The following CUL1 variants were observed in gnomAD, a reference collection of about 807,000 sequenced individuals.
CUL1 encodes the protein cullin 1, also known as cullin-1.
CUL1 carries 24 observed loss-of-function variants against 118.0 expected under a neutral mutation model. The observed-to-expected ratio is 0.20, with a 90% CI of 0.15 to 0.29. The LOEUF is 0.29. Among genes scored for constraint, CUL1 ranks in the 10% least tolerant of loss-of-function variants. CUL1 has a pLI of 1.00. For missense variants in CUL1, 361 were observed against 933.8 expected (o/e 0.39, Z 7.99); for synonymous variants, 332 against 340.4 (o/e 0.98, Z 0.27).
At position 148,767,748 on chromosome 7, in the gene CUL1, A is replaced by G; in HGVS notation, c.1082A>G (p.Asn361Ser). ...AIEKCGEAAL[N>S]DPKMYVQTVL... The stretch of plus-strand genomic sequence containing the variant: ...GAAAAGTGTGGAGAAGCTGCTTTAA[A>G]TGTAAGTGAGATTTCATTGAAAATC... Residue 361 changes from asparagine to serine, a missense_variant and splice_region_variant, in exon 9 of 22, where the codon AAT becomes AGT. Around this residue, in one of 7 missense-constraint regions of CUL1, gnomAD observed 169 missense variants for 429.7 expected, o/e 0.39. Transcript: ENST00000325222. The G allele has an allele frequency of 6.2e-7, 1 of 1,612,276 alleles. No individual in the cohort carries two copies. The highest frequency in any genetic ancestry group is 8.5e-7 in the Non-Finnish European group (1 of 1,179,502).
At chr7:148,734,356 C>T (rs191898438) in intron 2 of CUL1, among the ~76,000 whole-genome samples, 106 of 152,272 alleles carry the variant, frequency 7.0e-4, no homozygotes, top group African/African-American at 2.4e-3. Flanking sequence ...GTGATCACCC[C>T]GCCTCAGCCT....
At position 148,800,951 on chromosome 7, in the gene CUL1, A is replaced by G. The variant is rs79244596; in HGVS notation, c.*369A>G. ...TGAGAGCAAGTCTGAGTGGACCCAC[A>G]TGTAACCTGCTATGAAAACCATTTG... On this transcript the variant is annotated 3_prime_UTR_variant, in exon 22 of 22. Transcript: ENST00000325222. This position sits in a 1 kb window ranked among gnomAD's most constrained non-coding sequence, Gnocchi z 4.6. The G allele has an allele frequency of 2.8e-5, 5 of 177,844 alleles. No individual in the cohort carries two copies. The highest frequency in any genetic ancestry group is 5.9e-5 in the Non-Finnish European group (5 of 84,780). The allele number at this position is 177,844 out of a possible 1,614,324, so 11.0% of individuals were successfully genotyped here. A position where few individuals can be genotyped will look rare whatever the true frequency, so the allele number is the denominator to read the frequency against.
Position 148,786,702 on chromosome 7 carries a change from A to G in CUL1, c.1347+103A>G, listed in dbSNP as rs1409701399. 5 of 998,152 alleles carry G rather than the reference A, an allele frequency of 5.0e-6. No homozygotes were observed. In the Admixed American group the frequency reaches 9.7e-5, roughly 19 times the overall value. The allele number at this position is 998,152 out of a possible 1,614,324, so 61.8% of individuals were successfully genotyped here. ...CTCTGAAATGTGAAAAGTAATAATC[A>G]TTGATTTTATTTTGAATCTCTGGTT... is the stretch of plus-strand genomic sequence containing the variant. On this transcript the variant is annotated intron_variant, in intron 12 of 21. Coordinates refer to ENST00000325222, the MANE Select transcript of CUL1 (RefSeq NM_003592.3).
intron 1 of CUL1, among the ~76,000 whole-genome samples, chr7:148,715,410 A>G (rs1195296007): frequency 6.6e-6 from 1 of 152,222 alleles, no homozygotes; most frequent in Non-Finnish European, 1.5e-5. Flanking sequence ...TACCACAGTC[A>G]GTGACTTTTC....
chr7:148,701,446 T>G (rs1158464676), intron 1 of CUL1, among the ~76,000 whole-genome samples: 1 of 152,162 alleles, frequency 6.6e-6, no homozygotes, highest in Non-Finnish European at 1.5e-5. Flanking sequence ...AGAAAACAGG[T>G]TGTGAAACTT....
intron 6 of CUL1, 113 bp downstream of exon 6, chr7:148,759,751 G>A (rs557644995): frequency 7.9e-6 from 4 of 507,132 alleles, no homozygotes; most frequent in Non-Finnish European, 1.4e-5. Context: ...GATATTGTTA[G>A]CATTTACGAA....
chr7:148,765,474 T>A (rs898889757), intron 7 of CUL1, among the ~76,000 whole-genome samples: 6 of 151,812 alleles, frequency 4.0e-5, no homozygotes, highest in Admixed American at 1.3e-4. Flanking sequence ...TAGAAAAAAT[T>A]AAAAAGTTAG....
intron 1 of CUL1, among the ~76,000 whole-genome samples, chr7:148,711,594 G>T (rs144315126): frequency 6.6e-6 from 1 of 152,194 alleles, no homozygotes; most frequent in Non-Finnish European, 1.5e-5. Flanking sequence ...GTAGTGAAAC[G>T]GGAAGTGTAT....
At chr7:148,780,900 C>T (rs984096514) in intron 9 of CUL1, among the ~76,000 whole-genome samples, 2 of 152,062 alleles carry the variant, frequency 1.3e-5, no homozygotes, top group Non-Finnish European at 2.9e-5. Flanking sequence ...AACCTGTCTT[C>T]GTTGTTTACC....
In CUL1 at chr7:148,730,179, G is replaced by C; in HGVS notation, c.57G>C (p.Gln19His). 1 of 1,614,158 alleles carries C rather than the reference G, an allele frequency of 6.2e-7. No homozygotes were observed. ...GCCTGAAGCAGATTGGCCTGGACCA[G>C]ATCTGGGACGACCTCAGAGCCGGCA... is the stretch of plus-strand genomic sequence containing the variant. The part of the protein sequence containing the change: ...PHGLKQIGLD[Q>H]IWDDLRAGIQ... Residue 19 changes from glutamine (Q) to histidine (H), a missense_variant, in exon 2 of 22, where the codon CAG becomes CAC. By Grantham distance (24) the Gln-to-His change is conservative. Around this residue, in one of 7 missense-constraint regions of CUL1, gnomAD observed 13 missense variants for 56.5 expected, o/e 0.23. Transcript: ENST00000325222.
chr7:148,740,676 G>A (rs1329895219), intron 2 of CUL1, among the ~76,000 whole-genome samples: 2 of 152,154 alleles, frequency 1.3e-5, no homozygotes, highest in Admixed American at 6.5e-5. Flanking sequence ...AGTATATTTG[G>A]ATGGTATTTG....
chr7:148,757,157 GT>G lies in CUL1; in HGVS notation c.483+11del. 11 of 1,474,576 alleles carry G rather than the reference GT, an allele frequency of 7.5e-6. No homozygotes were observed. The highest frequency in any genetic ancestry group is 9.9e-6 in the Non-Finnish European group (11 of 1,107,438). The allele number at this position is 1,474,576 out of a possible 1,614,324, so 91.3% of individuals were successfully genotyped here. ...AATATATGAAATCTATTCGGTAAGA[GT>G]TTTGTTTTAAAACGTTTTAAATTTG... On this transcript the variant is annotated splice_region_variant and intron_variant, in intron 4 of 21. Transcript: ENST00000325222.
chr7:148,698,858 G>A (rs1797610835), upstream of CUL1: 3 of 156,278 alleles, frequency 1.9e-5, no homozygotes, highest in South Asian at 3.5e-4. Flanking sequence ...GGGCCGGGCG[G>A]GCAGGGGAGG....
intron 9 of CUL1, among the ~76,000 whole-genome samples, chr7:148,774,648 A>G (rs1800338435): frequency 6.6e-6 from 1 of 152,194 alleles, no homozygotes; most frequent in Non-Finnish European, 1.5e-5. Context: ...AAGTAGCAAC[A>G]AAAAAGCACA....
intron 2 of CUL1, among the ~76,000 whole-genome samples, chr7:148,741,301 G>GT (rs1799131669): frequency 6.6e-6 from 1 of 152,194 alleles, no homozygotes; most frequent in Admixed American, 6.5e-5. Flanking sequence ...GTAACTGTGT[G>GT]TTTAACCATT....
In CUL1 at chr7:148,725,287, C is replaced by G. The variant is rs984550814; in HGVS notation, c.-161-4675C>G. 2.0e-5 allele frequency among the ~76,000 whole-genome samples: 3 copies of G among 151,818 alleles called. No homozygotes were observed. In the East Asian group the frequency reaches 5.8e-4, roughly 29 times the overall value. On this transcript the variant is annotated intron_variant, in intron 1 of 21. Coordinates refer to ENST00000325222, the MANE Select transcript of CUL1 (RefSeq NM_003592.3). ...AACTGGAAAACTTCATTGCCTGAGC[C>G]TCTTGTATCCATTGGAGCAGGCTGG...
At chr7:148,740,332 G>A (rs1584781610) in intron 2 of CUL1, among the ~76,000 whole-genome samples, 1 of 152,178 alleles carries the variant, frequency 6.6e-6, no homozygotes, top group East Asian at 1.9e-4. Context: ...TGGGATTACA[G>A]GTGTGAGCCA....
intron 17 of CUL1, among the ~76,000 whole-genome samples, chr7:148,795,777 A>G (rs2129463601): frequency 6.6e-6 from 1 of 152,108 alleles, no homozygotes; most frequent in South Asian, 2.1e-4. Context: ...CTCAAAAAAA[A>G]AAAAAAAAAA....
chr7:148,793,046 G>A (rs1563171098), intron 17 of CUL1, among the ~76,000 whole-genome samples: 1 of 152,196 alleles, frequency 6.6e-6, no homozygotes, highest in Non-Finnish European at 1.5e-5. Context: ...TGTAGTCCCA[G>A]CTTCTTGGGA....
Sources: allele counts gnomAD v4.1 joint callset (sites outside exome capture counted in the v4.1 genomes callset), GRCh38; gene constraint gnomAD v4.1.1; regional missense constraint gnomAD v4.1.1; non-coding constraint Gnocchi (gnomAD v3.1); transcripts MANE v1.5; gene names NCBI Gene and HGNC (gene_info 2026-07-23, HGNC 2026-07-21).